ADGRB3: variants seen among roughly 807,000 people sequenced by gnomAD.
The protein encoded by ADGRB3 is brain-specific angiogenesis inhibitor 3.
ADGRB3 carries 37 observed loss-of-function variants against 193.4 expected under a neutral mutation model. The observed-to-expected ratio is 0.19, with a 90% CI of 0.15 to 0.25. The LOEUF (loss-of-function observed/expected upper bound fraction) is 0.25, where lower values mean the gene tolerates loss of function less well. ADGRB3 is among the 10% of genes least tolerant of loss of function. ADGRB3 has a pLI of 1.00. For missense variants in ADGRB3, 1,637 were observed against 1,852.9 expected (o/e 0.88, Z 2.14); for synonymous variants, 690 against 644.2 (o/e 1.07, Z -1.08).
chr6:69,030,622 GGGGGGCTAGGGGAGGGAATAACATTA>G, intron 13 of ADGRB3, among the ~76,000 whole-genome samples: 1 of 152,270 alleles, frequency 6.6e-6, no homozygotes, highest in South Asian at 2.1e-4. Flanking sequence ...TCAGGGGAGT[GGGGGGCTAGGGGAGGGAATAACATTA>G]GGAGAAATAC....
rs540555501 is a variant in ADGRB3, at chr6:69,175,424, A to G, written c.2481-57866A>G. Among the ~76,000 whole-genome samples, 55 of 152,050 alleles carry G rather than the reference A, an allele frequency of 3.6e-4. No homozygotes were observed. The South Asian group carries it at 0.01, about 29-fold the overall frequency. On this transcript the variant is annotated intron_variant, in intron 17 of 31. Transcript: ENST00000370598. ...CTTTTCTCATTGCTTATTTTTGTCA[A>G]CTTTGTTGTAAATCAGATGGCTGCA...
At chr6:69,155,886 A>C (rs1215650632) in intron 17 of ADGRB3, among the ~76,000 whole-genome samples, 1 of 152,174 alleles carries the variant, frequency 6.6e-6, no homozygotes, top group Non-Finnish European at 1.5e-5. Context: ...ATATTTTTTA[A>C]AAGGCGAACA....
intron 17 of ADGRB3, among the ~76,000 whole-genome samples, chr6:69,202,068 T>TC (rs1165789578): frequency 6.6e-6 from 1 of 152,156 alleles, no homozygotes; most frequent in Non-Finnish European, 1.5e-5. Context: ...TGATTTGCAG[T>TC]CCTTCCTCAG....
intron 3 of ADGRB3, among the ~76,000 whole-genome samples, chr6:68,874,117 A>T (rs1347596272): frequency 6.6e-6 from 1 of 152,098 alleles, no homozygotes; most frequent in African/African-American, 2.4e-5. Flanking sequence ...TATATTTTTC[A>T]CACCGTATGA....
At chr6:69,277,395 A>G (rs1389232482) in intron 20 of ADGRB3, among the ~76,000 whole-genome samples, 1 of 152,150 alleles carries the variant, frequency 6.6e-6, no homozygotes, top group East Asian at 1.9e-4. Flanking sequence ...CATGGGTAGC[A>G]TGACCTGCTG....
chr6:68,690,367 A>T (rs1765051966), intron 3 of ADGRB3, among the ~76,000 whole-genome samples: 1 of 152,112 alleles, frequency 6.6e-6, no homozygotes, highest in Admixed American at 6.6e-5. Flanking sequence ...ACTAAAATAT[A>T]TTTAGGGATA....
Position 68,928,231 on chromosome 6 carries a change from A to C in ADGRB3, c.758-2328A>C, listed in dbSNP as rs150193450. Among the ~76,000 whole-genome samples, 31 of 152,286 alleles carry C rather than the reference A, an allele frequency of 2.0e-4. No homozygotes were observed. In the East Asian group the frequency reaches 5.6e-3, roughly 27 times the overall value. ...GTTAAAAATTGAATGTGACACTTTT[A>C]AAATCATCCCAAGGCTGGCCATGGT... is the stretch of plus-strand genomic sequence containing the variant. On this transcript the variant is annotated intron_variant, in intron 3 of 31. Coordinates refer to ENST00000370598, the MANE Select transcript of ADGRB3 (RefSeq NM_001704.3).
At chr6:69,148,508 G>C (rs1375571623) in intron 17 of ADGRB3, among the ~76,000 whole-genome samples, 3 of 152,008 alleles carry the variant, frequency 2.0e-5, no homozygotes, top group Non-Finnish European at 2.9e-5. Flanking sequence ...AGAAATTGTA[G>C]TTATTATTTT....
chr6:69,287,998 G>A (rs1330305556), intron 20 of ADGRB3, among the ~76,000 whole-genome samples: 1 of 151,794 alleles, frequency 6.6e-6, no homozygotes, highest in Non-Finnish European at 1.5e-5. Context: ...TGTTATGTGG[G>A]TGACTAGAAC....
At chr6:69,277,849 C>T (rs1033288780) in intron 20 of ADGRB3, among the ~76,000 whole-genome samples, 5 of 151,972 alleles carry the variant, frequency 3.3e-5, no homozygotes, top group Non-Finnish European at 5.9e-5. Context: ...ATAATAGTAC[C>T]CACCTTATAG....
chr6:68,786,143 A>C (rs1766964162), intron 3 of ADGRB3, among the ~76,000 whole-genome samples: 1 of 151,838 alleles, frequency 6.6e-6, no homozygotes, highest in Admixed American at 6.6e-5. Context: ...GCTGTGCAGA[A>C]GCTCTTTAGT....
intron 17 of ADGRB3, among the ~76,000 whole-genome samples, chr6:69,087,140 G>T (rs1772573639): frequency 6.6e-6 from 1 of 152,098 alleles, no homozygotes; most frequent in African/African-American, 2.4e-5. Context: ...AAACACCCAA[G>T]ACTGCTCTGG....
intron 17 of ADGRB3, among the ~76,000 whole-genome samples, chr6:69,154,655 G>A (rs1020896283): frequency 2.0e-5 from 3 of 152,190 alleles, no homozygotes; most frequent in Non-Finnish European, 4.4e-5. Flanking sequence ...ACATGGTAAT[G>A]AGCTTGTGTT....
At chr6:68,704,278 GCTC>G (rs899804609) in intron 3 of ADGRB3, among the ~76,000 whole-genome samples, 1 of 152,072 alleles carries the variant, frequency 6.6e-6, no homozygotes, top group Non-Finnish European at 1.5e-5. Context: ...TAACAGTTTT[GCTC>G]TGCTTTTAGA....
In ADGRB3 at chr6:69,361,147, G is replaced by T; in HGVS notation, c.3874G>T (p.Ala1292Ser). 6.2e-7 allele frequency: 1 copy of T among 1,612,834 alleles called. No individual in the cohort carries two copies. Among genetic ancestry groups the T allele is most frequent in the Non-Finnish European group, 8.5e-7 (1 of 1,179,298 alleles). The change falls in exon 29 of 32, where the codon GCT becomes TCT. Residue 1292 changes from alanine to serine, a missense_variant. Transcript: ENST00000370598. ...ATGTACGGATGATAATTTGAGAGGG[G>T]CTGACATGGACATAGTCCATCCTCA... ...YLCTDDNLRG[A>S]DMDIVHPQER...
At position 69,389,053 on chromosome 6, in the gene ADGRB3, G is replaced by A. The variant is rs1343495345; in HGVS notation, c.*162G>A. 7 of 656,428 alleles carry A rather than the reference G, an allele frequency of 1.1e-5. No homozygotes were observed. The highest frequency in any genetic ancestry group is 1.0e-4 in the South Asian group (5 of 48,390). 40.7% of individuals were successfully genotyped at this position (656,428 alleles called of 1,614,324 possible). On this transcript the variant is annotated 3_prime_UTR_variant, in exon 32 of 32. Coordinates refer to ENST00000370598, the MANE Select transcript of ADGRB3 (RefSeq NM_001704.3). Reference sequence around the variant, plus strand: ...TCATATGGTAACTTCTCACTAGTCAGGCTAGTGGAGAGATGACCAGGTGTA... The same window carrying A: ...TCATATGGTAACTTCTCACTAGTCAAGCTAGTGGAGAGATGACCAGGTGTA...
intron 17 of ADGRB3, among the ~76,000 whole-genome samples, chr6:69,152,660 G>T (rs2150341779): frequency 6.6e-6 from 1 of 152,266 alleles, no homozygotes; most frequent in South Asian, 2.1e-4. Context: ...TACATAAGTA[G>T]AACTGAGTAT....
At position 68,953,135 on chromosome 6, in the gene ADGRB3, C is replaced by T. The variant is rs148263751; in HGVS notation, c.1196-2889C>T. ...TGCCAAATTATCTTCTCTCTGATTT[C>T]GACATTTGACTTGCACATTCTAGAT... On this transcript the variant is annotated intron_variant, in intron 6 of 31. Transcript: ENST00000370598. Among the ~76,000 whole-genome samples the T allele has an allele frequency of 7.8e-4, 118 of 152,146 alleles. 3 individuals are homozygous for T. The highest frequency in any genetic ancestry group is 2.7e-3 in the African/African-American group (111 of 41,548).
intron 3 of ADGRB3, among the ~76,000 whole-genome samples, chr6:68,688,014 A>G (rs980072803): frequency 6.6e-6 from 1 of 152,202 alleles, no homozygotes; most frequent in Non-Finnish European, 1.5e-5. Context: ...ATATAATGTT[A>G]TCTCTATGTG....
Sources: allele counts gnomAD v4.1 joint callset (sites outside exome capture counted in the v4.1 genomes callset), GRCh38; gene constraint gnomAD v4.1.1; transcripts MANE v1.5; gene names NCBI Gene and HGNC (gene_info 2026-07-23, HGNC 2026-07-21).